TUSC3: variants seen among roughly 807,000 people sequenced by gnomAD.
TUSC3 encodes dolichyl-diphosphooligosaccharide--protein glycosyltransferase subunit TUSC3.
TUSC3 carries 45 observed loss-of-function variants against 44.8 expected under a neutral mutation model. That is an observed-to-expected ratio of 1.00 (90% CI 0.79 to 1.29). TUSC3 has a LOEUF of 1.29. TUSC3 is among the 50% of genes most tolerant of loss of function. The pLI is 0.00. For synonymous variants in TUSC3, 212 were observed against 152.9 expected, an observed-to-expected ratio of 1.39 and a Z score of -2.85; for missense variants, 519 against 437.9, an observed-to-expected ratio of 1.19 and a Z score of -1.65.
Position 15,673,853 on chromosome 8 carries a change from A to T in TUSC3, c.798+17A>T, listed in dbSNP as rs1223921850. 6.3e-7 allele frequency: 1 copy of T among 1,594,110 alleles called. No individual in the cohort carries two copies. Among genetic ancestry groups the T allele is most frequent in the Non-Finnish European group, 8.6e-7 (1 of 1,162,640 alleles). ...GGACAAGTGGTAAGTGTAATTTATA[A>T]GCATGAATATTCTGAAGTTTAATCC... On this transcript the variant is annotated intron_variant, in intron 6 of 10. Transcript: ENST00000503731.
chr8:15,438,859 G>A (rs1400208778), intron 1 of TUSC3, among the ~76,000 whole-genome samples: 1 of 152,134 alleles, frequency 6.6e-6, no homozygotes, highest in East Asian at 1.9e-4. Context: ...GAGCCCTGGT[G>A]GGAAACACAC....
intron 2 of TUSC3, among the ~76,000 whole-genome samples, chr8:15,512,688 G>A (rs997501770): frequency 6.6e-6 from 1 of 151,628 alleles, no homozygotes; most frequent in Non-Finnish European, 1.5e-5. Context: ...CAGGAGAGTT[G>A]CTTGAACCCG....
At chr8:15,506,100 A>T (rs1801047210) in intron 2 of TUSC3, among the ~76,000 whole-genome samples, 1 of 152,218 alleles carries the variant, frequency 6.6e-6, no homozygotes, top group Non-Finnish European at 1.5e-5. Context: ...GACTATTATA[A>T]GAGAGGATGA....
At chr8:15,582,163 C>A (rs535660844) in intron 1 of TUSC3, among the ~76,000 whole-genome samples, 22 of 152,324 alleles carry the variant, frequency 1.4e-4, no homozygotes, top group African/African-American at 5.1e-4. Flanking sequence ...CGCCCTGCTT[C>A]GGCTCGCGCA....
intron 1 of TUSC3, among the ~76,000 whole-genome samples, chr8:15,542,360 C>T (rs1276425989): frequency 6.6e-6 from 1 of 151,954 alleles, no homozygotes; most frequent in Non-Finnish European, 1.5e-5. Context: ...GACCTAAGGT[C>T]TGTGTTGATG....
intron 1 of TUSC3, among the ~76,000 whole-genome samples, chr8:15,586,165 A>G (rs1336595477): frequency 1.3e-5 from 2 of 152,236 alleles, no homozygotes; most frequent in Non-Finnish European, 2.9e-5. Flanking sequence ...TTTGCCTGTT[A>G]AAAGGTCATT....
At chr8:15,442,940 T>C (rs1175519091) in intron 1 of TUSC3, among the ~76,000 whole-genome samples, 1 of 152,140 alleles carries the variant, frequency 6.6e-6, no homozygotes, top group Non-Finnish European at 1.5e-5. Flanking sequence ...CTCCTCAATC[T>C]GCCTTTAGTT....
At chr8:15,587,356 T>C (rs1803644017) in intron 1 of TUSC3, among the ~76,000 whole-genome samples, 1 of 152,210 alleles carries the variant, frequency 6.6e-6, no homozygotes, top group African/African-American at 2.4e-5. Context: ...ATTATAACAT[T>C]ATGTTTTGTT....
chr8:15,627,049 T>C (rs1805543206), intron 2 of TUSC3, among the ~76,000 whole-genome samples: 1 of 152,156 alleles, frequency 6.6e-6, no homozygotes. Flanking sequence ...CTCTCACCCA[T>C]GCACCAGTCA....
At chr8:15,846,372 A>G in the TUSC3 span, among the ~76,000 whole-genome samples, 1 of 152,190 alleles carries the variant, frequency 6.6e-6, no homozygotes, top group Admixed American at 6.5e-5. Context: ...GCTACTGAAT[A>G]TATACCCAAA....
intron 2 of TUSC3, among the ~76,000 whole-genome samples, chr8:15,643,327 A>T (rs34311473): frequency 2.2e-4 from 33 of 152,186 alleles, no homozygotes; most frequent in Non-Finnish European, 1.5e-4. Flanking sequence ...TAAACGAACA[A>T]TGCGTTAAAT....
chr8:15,749,841 A>C (rs993147919), intron 9 of TUSC3, among the ~76,000 whole-genome samples: 1 of 147,264 alleles, frequency 6.8e-6, no homozygotes, highest in African/African-American at 2.5e-5. Flanking sequence ...ATTAAGAAAA[A>C]TAGAAATCCT....
chr8:15,488,175 T>A (rs1389296555), intron 2 of TUSC3, among the ~76,000 whole-genome samples: 4 of 152,126 alleles, frequency 2.6e-5, no homozygotes, highest in Admixed American at 2.0e-4. Flanking sequence ...AAAATTCTTC[T>A]TCACTATCCA....
chr8:15,805,012 G>A, the TUSC3 span, among the ~76,000 whole-genome samples: 1 of 152,068 alleles, frequency 6.6e-6, no homozygotes, highest in Non-Finnish European at 1.5e-5. Flanking sequence ...TTTCGACAGT[G>A]TTTTGTAGTT....
the TUSC3 span, among the ~76,000 whole-genome samples, chr8:15,827,206 A>G: frequency 9.8e-5 from 15 of 152,312 alleles, no homozygotes; most frequent in African/African-American, 2.9e-4. Flanking sequence ...CAGCATAAGC[A>G]TTTGTAAAAA....
intron 1 of TUSC3, among the ~76,000 whole-genome samples, chr8:15,600,338 T>TA (rs1262292681): frequency 1.3e-5 from 2 of 151,660 alleles, no homozygotes; most frequent in Non-Finnish European, 3.0e-5. Flanking sequence ...TGAATTAGAA[T>TA]AAAAAATAGA....
chr8:15,767,115 G>A (rs1336973342), downstream of TUSC3, among the ~76,000 whole-genome samples: 1 of 152,090 alleles, frequency 6.6e-6, no homozygotes, highest in African/African-American at 2.4e-5. Flanking sequence ...ATTGTAGCTA[G>A]TCACACTCAA....
the TUSC3 span, among the ~76,000 whole-genome samples, chr8:15,818,553 G>A: frequency 0.81 from 123,328 of 152,176 alleles, 50,285 homozygotes; most frequent in Non-Finnish European, 0.85. Context: ...GATTAAAAAT[G>A]CACTTCTAAA....
chr8:15,809,969 T>A, the TUSC3 span, among the ~76,000 whole-genome samples: 1 of 152,210 alleles, frequency 6.6e-6, no homozygotes, highest in South Asian at 2.1e-4. Context: ...CTAGTTAAAA[T>A]GCAAGTTCCA....
Sources: gnomAD v4.1 joint callset for allele counts (sites outside exome capture counted in the v4.1 genomes callset) on GRCh38, gnomAD v4.1.1 for gene constraint, MANE v1.5 for transcripts, NCBI Gene and HGNC (gene_info 2026-07-23, HGNC 2026-07-21) for gene names.